Variants in ELAVL2 observed in about 807,000 individuals in gnomAD.
The protein encoded by ELAVL2 is ELAV-like protein 2.
Under a neutral mutation model 34.6 loss-of-function variants are expected in ELAVL2, and 4 were observed. The ratio of observed to expected loss-of-function variants is 0.12; its 90% CI spans 0.06 to 0.26. The LOEUF (loss-of-function observed/expected upper bound fraction) is 0.26. ELAVL2 is among the 10% of genes least tolerant of loss of function. The probability of loss-of-function intolerance (pLI) is 1.00; values close to 1 mark genes in which losing one functional copy is unlikely to be tolerated. For missense variants in ELAVL2, 432 were observed against 442.8 expected (o/e 0.98, Z 0.22); for synonymous variants, 193 against 154.8 (o/e 1.25, Z -1.83).
At chr9:23,729,735 A>G (rs557678863) in intron 3 of ELAVL2, among the ~76,000 whole-genome samples, 2 of 152,178 alleles carry the variant, frequency 1.3e-5, no homozygotes, top group Admixed American at 1.3e-4. Context: ...TAGATAAGAC[A>G]GGGCTGGTAG....
chr9:23,749,379 G>A (rs1483731236), intron 2 of ELAVL2, among the ~76,000 whole-genome samples: 1 of 151,952 alleles, frequency 6.6e-6, no homozygotes, highest in South Asian at 2.1e-4. Context: ...TCACCTAATG[G>A]ATGTCAAAAT....
At chr9:23,792,966 G>C (rs1244883195) in intron 1 of ELAVL2, among the ~76,000 whole-genome samples, 1 of 151,854 alleles carries the variant, frequency 6.6e-6, no homozygotes, top group Admixed American at 6.6e-5. Flanking sequence ...TGTAGACACA[G>C]GGTCCTCACT....
At chr9:23,697,136 G>C (rs540755928) in intron 5 of ELAVL2, among the ~76,000 whole-genome samples, 3 of 151,896 alleles carry the variant, frequency 2.0e-5, no homozygotes, top group Admixed American at 6.6e-5. Flanking sequence ...AGCAGATATG[G>C]AGGATTAGAC....
intron 2 of ELAVL2, among the ~76,000 whole-genome samples, chr9:23,732,043 T>C (rs1184870635): frequency 5.3e-5 from 8 of 152,152 alleles, no homozygotes; most frequent in Non-Finnish European, 8.8e-5. Flanking sequence ...CAGTTTGAAA[T>C]GGCAAGAAAC....
rs1283276179 is a variant in ELAVL2 at position 23,825,946 on chromosome 9, TAAA to T, written c.-159_-157del. On this transcript the variant is annotated 5_prime_UTR_variant, in exon 1 of 7. Coordinates refer to ENST00000397312, the MANE Select transcript of ELAVL2 (RefSeq NM_004432.5). ...CTGTGCTCGGCTTAAAAGAAGCAAA[TAAA>T]AAGAAACGCTTTCGACCCCAAAGTC... 1.3e-5 allele frequency: 2 copies of T among 151,104 alleles called. No homozygotes were observed. Among genetic ancestry groups the T allele is most frequent in the Non-Finnish European group, 2.9e-5 (2 of 67,798 alleles). 9.4% of individuals were successfully genotyped at this position (151,104 alleles called of 1,614,324 possible).
chr9:23,764,804 G>A (rs1489434769), intron 1 of ELAVL2, among the ~76,000 whole-genome samples: 14 of 151,912 alleles, frequency 9.2e-5, no homozygotes, highest in Non-Finnish European at 4.4e-5. Flanking sequence ...AATTACATAC[G>A]AGAGCATGGT....
At chr9:23,743,742 G>C (rs2049839590) in intron 2 of ELAVL2, among the ~76,000 whole-genome samples, 1 of 151,836 alleles carries the variant, frequency 6.6e-6, no homozygotes, top group Admixed American at 6.6e-5. Context: ...CAGGGTAGAG[G>C]GTTAAAAAAA....
At chr9:23,771,535 T>C (rs571116007) in intron 1 of ELAVL2, among the ~76,000 whole-genome samples, 2 of 152,294 alleles carry the variant, frequency 1.3e-5, no homozygotes, top group South Asian at 4.1e-4. Context: ...CTATTCACTT[T>C]ATATTTGCTA....
At chr9:23,813,757 T>C (rs1280842075) in intron 1 of ELAVL2, among the ~76,000 whole-genome samples, 3 of 152,224 alleles carry the variant, frequency 2.0e-5, no homozygotes, top group Non-Finnish European at 4.4e-5. Context: ...AAATCTTCTC[T>C]GAAGTAAAGG....
chr9:23,693,300 G>T, intron 6 of ELAVL2, 148 bp downstream of exon 6: 2 of 951,892 alleles, frequency 2.1e-6, no homozygotes, highest in Non-Finnish European at 3.2e-6. Flanking sequence ...TGAGTCAATT[G>T]TGCTTCAAAG....
In ELAVL2 at chr9:23,690,866, A is replaced by T. The variant is rs1002173730; in HGVS notation, c.*1691T>A. The T allele has an allele frequency of 3.9e-5, 6 of 152,538 alleles. No homozygotes were observed. The highest frequency in any genetic ancestry group is 1.4e-4 in the African/African-American group (6 of 41,434). The allele number at this position is 152,538 out of a possible 1,614,324, so 9.4% of individuals were successfully genotyped here. On this transcript the variant is annotated 3_prime_UTR_variant, in exon 7 of 7. Coordinates refer to ENST00000397312, the MANE Select transcript of ELAVL2 (RefSeq NM_004432.5). ...AATCAGAAAATATTTTGTATTTTTT[A>T]AAATTTCTTTCATACATGGTAAAGA... is the stretch of plus-strand genomic sequence containing the variant.
intron 1 of ELAVL2, among the ~76,000 whole-genome samples, chr9:23,802,027 T>C (rs966446204): frequency 1.3e-5 from 2 of 152,180 alleles, no homozygotes; most frequent in Non-Finnish European, 2.9e-5. Context: ...TTTCGTTTTG[T>C]TTTTTTAAGT....
At chr9:23,763,005 A>G (rs986744255) in intron 1 of ELAVL2, among the ~76,000 whole-genome samples, 1 of 152,120 alleles carries the variant, frequency 6.6e-6, no homozygotes, top group Non-Finnish European at 1.5e-5. Context: ...ACTGATCTAC[A>G]ACATCAAAAT....
intron 4 of ELAVL2, among the ~76,000 whole-genome samples, chr9:23,704,700 C>T (rs1324963155): frequency 6.6e-6 from 1 of 152,154 alleles, no homozygotes; most frequent in Non-Finnish European, 1.5e-5. Flanking sequence ...CAATCCTGCA[C>T]CTTCAGGGTG....
chr9:23,753,842 A>G (rs1320768673), intron 2 of ELAVL2, among the ~76,000 whole-genome samples: 3 of 152,182 alleles, frequency 2.0e-5, no homozygotes, highest in Non-Finnish European at 4.4e-5. Context: ...TAAAGGGGCA[A>G]ATGTTACAAG....
chr9:23,795,640 A>G (rs1010319038), intron 1 of ELAVL2, among the ~76,000 whole-genome samples: 2 of 152,220 alleles, frequency 1.3e-5, no homozygotes, highest in Non-Finnish European at 2.9e-5. Flanking sequence ...TGTCTCAAAA[A>G]ATAGGACTGT....
intron 2 of ELAVL2, among the ~76,000 whole-genome samples, chr9:23,741,828 T>C (rs1241957608): frequency 1.3e-5 from 2 of 152,196 alleles, no homozygotes; most frequent in Non-Finnish European, 2.9e-5. Context: ...GATGGTACTT[T>C]AGAATACTAG....
chr9:23,766,231 T>G (rs1482136828), intron 1 of ELAVL2, among the ~76,000 whole-genome samples: 7 of 152,150 alleles, frequency 4.6e-5, no homozygotes, highest in Admixed American at 4.6e-4. Context: ...CAGGAAGCCA[T>G]GAAAATATTT....
At chr9:23,707,922 T>C (rs1342046505) in intron 3 of ELAVL2, among the ~76,000 whole-genome samples, 1 of 152,198 alleles carries the variant, frequency 6.6e-6, no homozygotes, top group Non-Finnish European at 1.5e-5. Flanking sequence ...ATTCACTGCT[T>C]TGTGCAATTC....
Sources: allele counts gnomAD v4.1 joint callset (sites outside exome capture counted in the v4.1 genomes callset), GRCh38; gene constraint gnomAD v4.1.1; transcripts MANE v1.5; gene names NCBI Gene and HGNC (gene_info 2026-07-23, HGNC 2026-07-21).